PKD1L1: variants seen among roughly 807,000 people sequenced by gnomAD.
PKD1L1 encodes the protein polycystin-1-like protein 1.
Under a neutral mutation model 323.4 loss-of-function variants are expected in PKD1L1, and 236 were observed. The ratio of observed to expected loss-of-function variants is 0.73; its 90% CI spans 0.66 to 0.81. PKD1L1 has a LOEUF of 0.81. PKD1L1 is among the 40% of genes least tolerant of loss of function. The pLI, the probability that PKD1L1 is intolerant of heterozygous loss-of-function variation, is 0.00. For synonymous variants in PKD1L1, 1,344 were observed against 1,335.0 expected, an observed-to-expected ratio of 1.01 and a Z score of -0.15; for missense variants, 3,320 against 3,508.0, an observed-to-expected ratio of 0.95 and a Z score of 1.35.
chr7:47,825,998 C>T (rs1785234268), intron 45 of PKD1L1, among the ~76,000 whole-genome samples: 2 of 152,104 alleles, frequency 1.3e-5, no homozygotes, highest in African/African-American at 2.4e-5. Context: ...TACGTCCTGG[C>T]AGAGCTGGGT....
intron 56 of PKD1L1, among the ~76,000 whole-genome samples, chr7:47,785,944 G>A (rs767418718): frequency 1.6e-4 from 24 of 151,972 alleles, no homozygotes; most frequent in South Asian, 6.2e-4. Flanking sequence ...GTTTCACTAC[G>A]TTGACCAAGC....
At chr7:47,899,560 T>A (rs983988197) in intron 13 of PKD1L1, among the ~76,000 whole-genome samples, 11 of 151,864 alleles carry the variant, frequency 7.2e-5, no homozygotes, top group Admixed American at 7.2e-4. Context: ...CTAGGGGGCC[T>A]CAGGATAGAG....
At chr7:47,960,632 A>G in the PKD1L1 span, among the ~76,000 whole-genome samples, 1 of 151,270 alleles carries the variant, frequency 6.6e-6, no homozygotes, top group African/African-American at 2.4e-5. Flanking sequence ...ATATGTATGT[A>G]AGACTGTTTC....
Position 47,803,213 on chromosome 7 carries a change from T to C in PKD1L1, c.7959A>G (p.Ala2653=), listed in dbSNP as rs1436492025. 1 of 1,614,148 alleles carries C rather than the reference T, an allele frequency of 6.2e-7. No individual in the cohort carries two copies. Among genetic ancestry groups the C allele is most frequent in the East Asian group, 2.2e-5 (1 of 44,870 alleles). The part of the protein sequence containing the change: ...MRHSLPSIFV[A]GLVGALMLAA... ...TGATAAAGGGGAGAGTTCTTACCCC[T>C]GCTACAAAGATGCTGGGGAGTGAGT... Residue 2653 remains alanine, a synonymous_variant, in exon 53 of 57, where the codon GCA becomes GCG. Transcript: ENST00000289672.
At chr7:47,815,567 T>C (rs1326709552) in intron 46 of PKD1L1, 110 bp from the exon 47 acceptor site, 2 of 1,284,068 alleles carry the variant, frequency 1.6e-6, no homozygotes, top group Non-Finnish European at 2.2e-6. Flanking sequence ...AGATTTCAGG[T>C]ACTCTGCAGG....
At chr7:47,936,466 C>A (rs917955303) in intron 4 of PKD1L1, among the ~76,000 whole-genome samples, 2 of 152,138 alleles carry the variant, frequency 1.3e-5, no homozygotes, top group Non-Finnish European at 2.9e-5. Flanking sequence ...ATAATGTCTT[C>A]AAGGTTCATC....
intron 13 of PKD1L1, among the ~76,000 whole-genome samples, chr7:47,898,735 A>G (rs967608044): frequency 6.6e-6 from 1 of 152,154 alleles, no homozygotes; most frequent in African/African-American, 2.4e-5. Context: ...CTAAAAACTA[A>G]GGGAATTTTC....
chr7:47,901,039 C>T (rs997395950), intron 13 of PKD1L1, among the ~76,000 whole-genome samples: 59 of 151,932 alleles, frequency 3.9e-4, no homozygotes, highest in African/African-American at 1.2e-3. Flanking sequence ...TTAGAAAACA[C>T]GTAAAATAAA....
intron 14 of PKD1L1, among the ~76,000 whole-genome samples, chr7:47,894,447 C>G (rs1272666392): frequency 6.6e-6 from 1 of 152,178 alleles, no homozygotes; most frequent in South Asian, 2.1e-4. Flanking sequence ...CTTTCTAACC[C>G]CCAAACATAT....
At chr7:47,934,667 G>A (rs545039186) in intron 4 of PKD1L1, among the ~76,000 whole-genome samples, 6 of 152,014 alleles carry the variant, frequency 3.9e-5, no homozygotes, top group African/African-American at 7.2e-5. Context: ...ATTAAAGTCC[G>A]TGCATGTTTG....
intron 53 of PKD1L1, 79 bp downstream of exon 53, chr7:47,803,131 T>C: frequency 1.3e-6 from 2 of 1,568,618 alleles, no homozygotes; most frequent in South Asian, 1.1e-5. Flanking sequence ...GCAGTTTGTT[T>C]TTCCCTTGAG....
intron 5 of PKD1L1, 90 bp downstream of exon 5, chr7:47,931,846 C>T (rs187053288): frequency 9.0e-5 from 131 of 1,455,398 alleles, no homozygotes; most frequent in Admixed American, 3.3e-4. Context: ...ACTCTGAGGC[C>T]GCCTACATAC....
At chr7:47,901,877 A>G (rs1398827594) in intron 13 of PKD1L1, among the ~76,000 whole-genome samples, 1 of 152,232 alleles carries the variant, frequency 6.6e-6, no homozygotes, top group Non-Finnish European at 1.5e-5. Flanking sequence ...GGAATGAAAG[A>G]AATAAAAACC....
At chr7:47,794,034 C>T (rs1787015616) in intron 55 of PKD1L1, among the ~76,000 whole-genome samples, 1 of 152,126 alleles carries the variant, frequency 6.6e-6, no homozygotes, top group African/African-American at 2.4e-5. Context: ...CAAAAGGTGA[C>T]TTGGGTGCTG....
intron 47 of PKD1L1, among the ~76,000 whole-genome samples, chr7:47,814,253 G>A (rs989763535): frequency 2.6e-5 from 4 of 152,166 alleles, no homozygotes; most frequent in Admixed American, 1.3e-4. Flanking sequence ...CGTAACTTTC[G>A]TCACATGAGA....
In PKD1L1 at chr7:47,929,347, G is replaced by A. The variant is rs1362334081; in HGVS notation, c.917C>T (p.Pro306Leu). 1 of 1,614,198 alleles carries A rather than the reference G, an allele frequency of 6.2e-7. No individual in the cohort carries two copies. Among genetic ancestry groups the A allele is most frequent in the Admixed American group, 1.7e-5 (1 of 60,024 alleles). Residue 306 changes from proline to leucine, a missense_variant, in exon 7 of 57, where the codon CCA (proline) becomes CTA (leucine). Pro to Leu is a moderately conservative substitution (Grantham distance 98, BLOSUM62 -3). Coordinates refer to ENST00000289672, the MANE Select transcript of PKD1L1 (RefSeq NM_138295.5). ...CATATGAACACGGAATCCCAGATTT[G>A]GAGGTGCCCGAGCTTCCACTTCCAG... Reference protein sequence around the residue: ...CSLEVEARAPPNLGFRVHMAS... With the variant: ...CSLEVEARAPLNLGFRVHMAS...
intron 12 of PKD1L1, among the ~76,000 whole-genome samples, chr7:47,903,239 A>G (rs986973597): frequency 6.6e-6 from 1 of 152,224 alleles, no homozygotes; most frequent in African/African-American, 2.4e-5. Flanking sequence ...AAGGACCAGA[A>G]TATCACTTGC....
chr7:47,886,136 G>C (rs1004533761), intron 17 of PKD1L1, 82 bp from the exon 18 acceptor site: 64 of 1,484,366 alleles, frequency 4.3e-5, no homozygotes, highest in Middle Eastern at 3.9e-4. Context: ...ACTATGTAAG[G>C]ATGCTATATT....
chr7:47,821,643 G>A (rs1297381601), intron 45 of PKD1L1, among the ~76,000 whole-genome samples: 1 of 145,194 alleles, frequency 6.9e-6, no homozygotes, highest in African/African-American at 2.5e-5. Context: ...GATGTGTGTT[G>A]GGGTTTATTT....
Sources: allele counts gnomAD v4.1 joint callset (sites outside exome capture counted in the v4.1 genomes callset), GRCh38; gene constraint gnomAD v4.1.1; transcripts MANE v1.5; gene names NCBI Gene and HGNC (gene_info 2026-07-23, HGNC 2026-07-21).